The following FBLIM1 variants were observed in gnomAD, a reference collection of about 807,000 sequenced individuals.
FBLIM1 encodes the protein filamin-binding LIM protein 1.
A neutral mutation model predicts 37.4 loss-of-function variants in FBLIM1; 29 were observed. That is an observed-to-expected ratio of 0.77 (90% CI 0.58 to 1.06). The LOEUF is 1.06. Ranked by LOEUF, FBLIM1 falls within the 50% of genes least tolerant of loss-of-function variation. FBLIM1 has a pLI of 0.00. For missense variants in FBLIM1, 449 were observed against 505.6 expected, an observed-to-expected ratio of 0.89 and a Z score of 1.07; for synonymous variants, 193 against 199.0, an observed-to-expected ratio of 0.97 and a Z score of 0.25.
intron 8 of FBLIM1, among the ~76,000 whole-genome samples, chr1:15,781,730 T>A (rs1199143433): frequency 6.8e-6 from 1 of 147,690 alleles, no homozygotes; most frequent in African/African-American, 2.5e-5. Flanking sequence ...TTTTTTTTTT[T>A]TTTTTTGAGA....
At position 15,764,497 on chromosome 1, in the gene FBLIM1, G is replaced by A. The variant is rs533259648; in HGVS notation, c.-209G>A. The stretch of plus-strand genomic sequence containing the variant: ...TGTTCTCTTTCCCTCCCAAAGCAGA[G>A]CTGGCCTGAACCTCCAGGACTTCAG... On this transcript the variant is annotated splice_region_variant and 5_prime_UTR_variant, in exon 2 of 9. Coordinates refer to ENST00000375766, the MANE Select transcript of FBLIM1 (RefSeq NM_017556.4). 2.1e-4 allele frequency: 34 copies of A among 161,084 alleles called. No individual in the cohort carries two copies. Among genetic ancestry groups the A allele is most frequent in the South Asian group, 5.6e-4 (3 of 5,328 alleles). The allele number at this position is 161,084 out of a possible 1,614,324, so 10.0% of individuals were successfully genotyped here. A position where few individuals can be genotyped will look rare whatever the true frequency, so the allele number is the denominator to read the frequency against.
At chr1:15,770,658 C>G in intron 6 of FBLIM1, 80 bp downstream of exon 6, 1 of 1,503,694 alleles carries the variant, frequency 6.7e-7, no homozygotes. Flanking sequence ...ATTCCCCACA[C>G]AGTCCTGGGA....
chr1:15,768,714 C>T (rs2069052707), intron 5 of FBLIM1, 84 bp downstream of exon 5: 17 of 976,070 alleles, frequency 1.7e-5, no homozygotes, highest in Non-Finnish European at 2.3e-5. Flanking sequence ...AGAGTGAGGA[C>T]CCCTCTTCCC....
chr1:15,760,531 G>GAAAAAAAAA (rs34356141), intron 1 of FBLIM1, among the ~76,000 whole-genome samples: 2 of 97,638 alleles, frequency 2.0e-5, no homozygotes, highest in African/African-American at 3.9e-5. Context: ...TTCTGTCTCA[G>GAAAAAAAAA]AAAAAAAAAA....
chr1:15,758,753 G>A (rs1415849501), upstream of FBLIM1: 1 of 152,008 alleles, frequency 6.6e-6, no homozygotes, highest in African/African-American at 2.4e-5. This position sits in a 1 kb window ranked among gnomAD's most constrained non-coding sequence, Gnocchi z 6.2. Context: ...GAGGGGGCGG[G>A]GAGGGCGGAC....
At chr1:15,766,821 A>C (rs1438237287) in intron 3 of FBLIM1, among the ~76,000 whole-genome samples, 3 of 146,174 alleles carry the variant, frequency 2.1e-5, no homozygotes, top group Non-Finnish European at 4.5e-5. Context: ...TCAAACTTCC[A>C]ACCTCAGGTG....
chr1:15,772,787 C>G (rs1223800732), intron 6 of FBLIM1, among the ~76,000 whole-genome samples: 5 of 152,076 alleles, frequency 3.3e-5, no homozygotes, highest in Non-Finnish European at 7.4e-5. Context: ...GACTCCATCT[C>G]TATTTTAATA....
chr1:15,772,681 C>T (rs12118580), intron 6 of FBLIM1, among the ~76,000 whole-genome samples: 4 of 152,058 alleles, frequency 2.6e-5, no homozygotes, highest in Admixed American at 6.6e-5. Context: ...CAGCCAGGCG[C>T]GGTGGCTCAC....
At chr1:15,771,247 T>G (rs1368879361) in intron 6 of FBLIM1, among the ~76,000 whole-genome samples, 1 of 96,546 alleles carries the variant, frequency 1.0e-5, no homozygotes, top group African/African-American at 3.5e-5. Context: ...CTGTTTTTTT[T>G]TGTTTTTTTT....
rs201897060 is a variant in FBLIM1 at position 15,784,675 on chromosome 1, G to C, written c.*14G>C. 82 of 1,611,070 alleles carry C rather than the reference G, an allele frequency of 5.1e-5. No homozygotes were observed. The highest frequency in any genetic ancestry group is 6.5e-5 in the Non-Finnish European group (77 of 1,177,610). On this transcript the variant is annotated 3_prime_UTR_variant, in exon 9 of 9. Transcript: ENST00000375766. ...GGGTGCTGCTGAGAGTGCCCGCTGG[G>C]CAGTGAACAGACCACTAGCCCCGGC...
intron 6 of FBLIM1, among the ~76,000 whole-genome samples, chr1:15,774,387 A>AGCATCAGG (rs2069386173): frequency 6.6e-6 from 1 of 152,228 alleles, no homozygotes; most frequent in Non-Finnish European, 1.5e-5. Context: ...ATGCAGCCAT[A>AGCATCAGG]GCATCAGGGC....
chr1:15,778,789 C>G (rs926915788), intron 8 of FBLIM1, among the ~76,000 whole-genome samples: 2 of 151,584 alleles, frequency 1.3e-5, no homozygotes, highest in African/African-American at 4.8e-5. Flanking sequence ...TACAGGCATG[C>G]ACCACCACGC....
At chr1:15,759,359 C>T (rs549382312) in intron 1 of FBLIM1, among the ~76,000 whole-genome samples, 3 of 152,276 alleles carry the variant, frequency 2.0e-5, no homozygotes, top group African/African-American at 7.2e-5. Flanking sequence ...GGGCCTCACG[C>T]GCCCGTCGGG....
intron 1 of FBLIM1, among the ~76,000 whole-genome samples, chr1:15,760,438 G>A (rs1395958572): frequency 7.9e-5 from 12 of 151,044 alleles, no homozygotes; most frequent in Non-Finnish European, 5.9e-5. Flanking sequence ...GCTGAGGCAG[G>A]ACAATCGCTT....
chr1:15,783,305 A>T (rs978036098), intron 8 of FBLIM1, among the ~76,000 whole-genome samples: 1 of 151,994 alleles, frequency 6.6e-6, no homozygotes, highest in Admixed American at 6.6e-5. Context: ...GAAAATATTA[A>T]TGTTTGTGCT....
chr1:15,766,054 C>T (rs1476761205), intron 3 of FBLIM1, among the ~76,000 whole-genome samples: 1 of 152,182 alleles, frequency 6.6e-6, no homozygotes, highest in Non-Finnish European at 1.5e-5. Flanking sequence ...AGGCTCCCAC[C>T]CCAAGTATCT....
intron 1 of FBLIM1, among the ~76,000 whole-genome samples, chr1:15,760,076 T>C (rs2068594803): frequency 6.7e-6 from 1 of 149,978 alleles, no homozygotes. Context: ...ATACAAAAAT[T>C]AGCCGGGTGT....
chr1:15,765,042 C>T lies in FBLIM1; in HGVS notation c.59C>T (p.Pro20Leu), dbSNP rs1001529210. 2.5e-5 allele frequency: 41 copies of T among 1,613,982 alleles called. No homozygotes were observed. The highest frequency in any genetic ancestry group is 1.6e-4 in the Middle Eastern group (1 of 6,084). ...ASSVFITLAPPRRDVAVAEEV... is the reference protein window; with the variant it reads ...ASSVFITLAPLRRDVAVAEEV... The stretch of plus-strand genomic sequence containing the variant: ...TCTGTCTTTATCACCCTGGCACCCC[C>T]GCGCCGCGATGTGGCCGTGGCGGAG... The change falls in exon 3 of 9, where the codon CCG (proline) becomes CTG (leucine). Residue 20 changes from proline to leucine, a missense_variant. Coordinates refer to ENST00000375766, the MANE Select transcript of FBLIM1 (RefSeq NM_017556.4). The surrounding 1 kb of genome is among the most constrained non-coding windows in gnomAD (Gnocchi z 5.9).
At chr1:15,768,393 C>T in intron 4 of FBLIM1, 135 bp from the exon 5 acceptor site, 1 of 539,580 alleles carries the variant, frequency 1.9e-6, no homozygotes, top group East Asian at 3.4e-5. Context: ...TTACGCAGGT[C>T]CCTTGCTTCC....
Sources: gnomAD v4.1 joint callset for allele counts (sites outside exome capture counted in the v4.1 genomes callset) on GRCh38, gnomAD v4.1.1 for gene constraint, Gnocchi (gnomAD v3.1) non-coding constraint, MANE v1.5 for transcripts, NCBI Gene and HGNC (gene_info 2026-07-23, HGNC 2026-07-21) for gene names.